The following LPP variants were observed in gnomAD, a reference collection of about 807,000 sequenced individuals.
LPP encodes lipoma-preferred partner.
In LPP, 38 loss-of-function variants were observed where a neutral mutation model predicts 60.4. The observed-to-expected ratio is 0.63, with a 90% CI of 0.49 to 0.83. The LOEUF (loss-of-function observed/expected upper bound fraction) is 0.83. LPP is among the 40% of genes least tolerant of loss of function. LPP has a pLI of 0.00. For synonymous variants in LPP, 328 were observed against 290.8 expected, an observed-to-expected ratio of 1.13 and a Z score of -1.30; for missense variants, 902 against 783.6, an observed-to-expected ratio of 1.15 and a Z score of -1.80.
At chr3:188,744,537 T>C (rs181338070) in intron 8 of LPP, among the ~76,000 whole-genome samples, 84 of 152,306 alleles carry the variant, frequency 5.5e-4, no homozygotes, top group African/African-American at 1.9e-3. Flanking sequence ...TTGTGCTATC[T>C]TGGACAAGTT....
chr3:188,461,126 A>G (rs920153234), intron 4 of LPP, among the ~76,000 whole-genome samples: 7 of 152,194 alleles, frequency 4.6e-5, no homozygotes, highest in African/African-American at 7.2e-5. Context: ...AGTTTCTGAC[A>G]AAGTGATCTG....
intron 3 of LPP, among the ~76,000 whole-genome samples, chr3:188,342,828 A>G (rs938553011): frequency 1.3e-5 from 2 of 152,192 alleles, no homozygotes; most frequent in African/African-American, 4.8e-5. Flanking sequence ...ACACGTGCAG[A>G]CAAGGTAGGT....
intron 6 of LPP, among the ~76,000 whole-genome samples, chr3:188,599,751 G>GGTGTGTGTGT (rs71169011): frequency 0.14 from 18,880 of 139,586 alleles, 1,373 homozygotes; most frequent in South Asian, 0.16. Flanking sequence ...ACTCGTTAGG[G>GGTGTGTGTGT]GTGTGTGTGT....
In LPP at chr3:188,888,134, T is replaced by A. The variant is rs75189812; in HGVS notation, c.*13655T>A. Reference sequence around the variant, plus strand: ...CATGTTTTCTGTATAATAAACCACTTTTGTTTTGTTTGTTTTGTCTTTTAA... The same window carrying A: ...CATGTTTTCTGTATAATAAACCACTATTGTTTTGTTTGTTTTGTCTTTTAA... On this transcript the variant is annotated 3_prime_UTR_variant, in exon 12 of 12. Transcript: ENST00000617246. 1,751 of 219,460 alleles carry A rather than the reference T, an allele frequency of 8.0e-3. 37 individuals carry two copies. The highest frequency in any genetic ancestry group is 0.036 in the African/African-American group (1,618 of 44,684). 13.6% of individuals were successfully genotyped at this position (219,460 alleles called of 1,614,324 possible). A position where few individuals can be genotyped will look rare whatever the true frequency, so the allele number is the denominator to read the frequency against.
chr3:188,731,710 G>A (rs963083160), intron 8 of LPP, among the ~76,000 whole-genome samples: 2 of 151,928 alleles, frequency 1.3e-5, no homozygotes, highest in African/African-American at 2.4e-5. Context: ...TTTCAGTAGA[G>A]ACAGGGTTTC....
chr3:188,176,391 C>T (rs1279439903), intron 1 of LPP, among the ~76,000 whole-genome samples: 1 of 151,970 alleles, frequency 6.6e-6, no homozygotes, highest in Non-Finnish European at 1.5e-5. Flanking sequence ...AAAGATTTGC[C>T]TAGAGTCACA....
At chr3:188,765,739 C>T (rs764456373) in intron 9 of LPP, among the ~76,000 whole-genome samples, 3 of 151,514 alleles carry the variant, frequency 2.0e-5, no homozygotes, top group Non-Finnish European at 4.4e-5. Flanking sequence ...TGTGGTCTTG[C>T]TGTTGTTGCC....
chr3:188,181,682 G>C (rs570919086), intron 1 of LPP, among the ~76,000 whole-genome samples: 1 of 152,304 alleles, frequency 6.6e-6, no homozygotes, highest in African/African-American at 2.4e-5. Context: ...TACTTTGAAA[G>C]CAATGTTTAA....
chr3:188,211,725 C>G (rs886889492), intron 1 of LPP, among the ~76,000 whole-genome samples: 1 of 152,118 alleles, frequency 6.6e-6, no homozygotes, highest in African/African-American at 2.4e-5. Flanking sequence ...TCTTCCAGCC[C>G]GGTGTCTGTG....
intron 5 of LPP, among the ~76,000 whole-genome samples, chr3:188,493,619 T>C (rs1338463379): frequency 2.6e-5 from 4 of 152,036 alleles, no homozygotes; most frequent in Non-Finnish European, 4.4e-5. Flanking sequence ...TATTATTTTA[T>C]TTTTGTAGAG....
rs569406034 is a variant in LPP at position 188,607,443 on chromosome 3, G to A, written c.430-1718G>A. Among the ~76,000 whole-genome samples the A allele has an allele frequency of 2.2e-4, 29 of 130,628 alleles. No homozygotes were observed. In the South Asian group the frequency reaches 2.5e-3, roughly 11 times the overall value. 85.7% of individuals were successfully genotyped at this position (130,628 alleles called of 152,430 possible). On this transcript the variant is annotated intron_variant, in intron 6 of 11. Transcript: ENST00000617246. ...ATTTTTTTTTCCTTTGCAGTTTTAC[G>A]TGCCTTACATCACGGGAGCTGGAAG...
At chr3:188,183,010 AGAG>A (rs1229744286) in intron 1 of LPP, among the ~76,000 whole-genome samples, 5 of 48,368 alleles carry the variant, frequency 1.0e-4, no homozygotes, top group Non-Finnish European at 2.7e-4. Context: ...TGAGGCCCAA[AGAG>A]GTCAATGAGC....
intron 7 of LPP, among the ~76,000 whole-genome samples, chr3:188,665,699 G>C (rs1560032976): frequency 6.6e-6 from 1 of 152,080 alleles, no homozygotes; most frequent in East Asian, 1.9e-4. Flanking sequence ...CTGACCTCGT[G>C]ATCTGCCTGC....
chr3:188,561,514 A>G (rs1579970051), intron 6 of LPP, among the ~76,000 whole-genome samples: 2 of 152,088 alleles, frequency 1.3e-5, no homozygotes, highest in East Asian at 3.9e-4. Flanking sequence ...GCATGTATAG[A>G]ACAAGCACTG....
intron 2 of LPP, among the ~76,000 whole-genome samples, chr3:188,283,202 C>G (rs1330359991): frequency 6.6e-6 from 1 of 152,174 alleles, no homozygotes; most frequent in African/African-American, 2.4e-5. Flanking sequence ...TCTTCTTTAG[C>G]TCTCAACTTC....
At chr3:188,515,983 A>C (rs1579548149) in intron 5 of LPP, among the ~76,000 whole-genome samples, 1 of 152,236 alleles carries the variant, frequency 6.6e-6, no homozygotes, top group East Asian at 1.9e-4. Context: ...TTTACACTGC[A>C]TACTACTTAG....
intron 3 of LPP, among the ~76,000 whole-genome samples, chr3:188,400,901 G>A (rs1782080169): frequency 6.6e-6 from 1 of 152,158 alleles, no homozygotes; most frequent in Non-Finnish European, 1.5e-5. Flanking sequence ...GAAGCCAAGA[G>A]CCCCAATGAT....
At chr3:188,752,996 T>C (rs1244273484) in intron 8 of LPP, among the ~76,000 whole-genome samples, 2 of 152,208 alleles carry the variant, frequency 1.3e-5, no homozygotes, top group East Asian at 3.8e-4. Context: ...CCTTCCTCTT[T>C]CCCTGCAGGT....
chr3:188,321,519 G>C (rs1756954870), intron 2 of LPP, among the ~76,000 whole-genome samples: 1 of 152,122 alleles, frequency 6.6e-6, no homozygotes, highest in Non-Finnish European at 1.5e-5. Flanking sequence ...TCATTAAAAG[G>C]AGAAGCTTCA....
Sources: gnomAD v4.1 joint callset for allele counts (sites outside exome capture counted in the v4.1 genomes callset) on GRCh38, gnomAD v4.1.1 for gene constraint, MANE v1.5 for transcripts, NCBI Gene and HGNC (gene_info 2026-07-23, HGNC 2026-07-21) for gene names.